Variants in ESRRG observed in about 807,000 individuals in gnomAD.
The protein encoded by ESRRG is estrogen related receptor gamma.
A neutral mutation model predicts 44.0 loss-of-function variants in ESRRG; 13 were observed. The observed-to-expected ratio is 0.30, with a 90% CI of 0.19 to 0.47. The LOEUF (loss-of-function observed/expected upper bound fraction) is 0.47. Ranked by LOEUF, ESRRG falls within the 20% of genes least tolerant of loss-of-function variation. The probability of loss-of-function intolerance (pLI) is 1.00; values close to 1 mark genes in which losing one functional copy is unlikely to be tolerated. For synonymous variants in ESRRG, 215 were observed against 214.6 expected, an observed-to-expected ratio of 1.00 and a Z score of -0.02; for missense variants, 395 against 580.6, an observed-to-expected ratio of 0.68 and a Z score of 3.29.
chr1:216,739,655 G>T (rs1400573490), intron 2 of ESRRG, among the ~76,000 whole-genome samples: 1 of 152,192 alleles, frequency 6.6e-6, no homozygotes, highest in Non-Finnish European at 1.5e-5. Flanking sequence ...TCCTCCAGGT[G>T]ATTCTGATGC....
intron 2 of ESRRG, among the ~76,000 whole-genome samples, chr1:216,860,307 G>A (rs1310075443): frequency 6.6e-6 from 1 of 152,040 alleles, no homozygotes; most frequent in East Asian, 1.9e-4. Context: ...GGAAAAAATA[G>A]CAGACAAAGA....
intron 1 of ESRRG, among the ~76,000 whole-genome samples, chr1:216,939,977 A>G (rs1006616148): frequency 2.6e-5 from 4 of 152,084 alleles, no homozygotes; most frequent in African/African-American, 9.7e-5. Flanking sequence ...TTTATAGCAA[A>G]TGCTCTGGTT....
chr1:216,887,797 T>C lies in ESRRG; in HGVS notation c.-14+51785A>G, dbSNP rs187120664. 5.3e-5 allele frequency among the ~76,000 whole-genome samples: 8 copies of C among 152,274 alleles called. No individual in the cohort carries two copies. In the East Asian group the frequency reaches 9.7e-4, roughly 18 times the overall value. On this transcript the variant is annotated intron_variant, in intron 2 of 7. Transcript: ENST00000359162. ...ACCTAAATGCATTCATATCTCTCCA[T>C]AGAACTTTCATATAAAAAGGATAGA...
chr1:216,585,267 A>C (rs2063552961), intron 3 of ESRRG, among the ~76,000 whole-genome samples: 1 of 152,208 alleles, frequency 6.6e-6, no homozygotes, highest in Admixed American at 6.5e-5. Context: ...AGCTCTATAG[A>C]CTTATATTAA....
chr1:216,811,009 C>T (rs1170895601), intron 2 of ESRRG, among the ~76,000 whole-genome samples: 1 of 151,936 alleles, frequency 6.6e-6, no homozygotes, highest in African/African-American at 2.4e-5. Context: ...CATACCAGAT[C>T]ACTGGGCACT....
intron 2 of ESRRG, among the ~76,000 whole-genome samples, chr1:216,821,836 ACAGTGCTATTT>A (rs1412909195): frequency 1.3e-5 from 2 of 151,960 alleles, no homozygotes; most frequent in Non-Finnish European, 2.9e-5. Flanking sequence ...CTTGTGTCTT[ACAGTGCTATTT>A]TCTGGTGGAT....
chr1:216,716,349 C>T (rs1040650210), intron 1 of ESRRG, among the ~76,000 whole-genome samples: 13 of 151,956 alleles, frequency 8.6e-5, no homozygotes, highest in African/African-American at 3.1e-4. Context: ...GCTGTTTTTT[C>T]ATTACATTTA....
chr1:216,632,503 T>A (rs13374943), intron 3 of ESRRG, among the ~76,000 whole-genome samples: 3,963 of 152,278 alleles, frequency 0.026, 182 homozygotes, highest in African/African-American at 0.091. Context: ...GTATCATAGA[T>A]ACAAAGCTGA....
intron 1 of ESRRG, among the ~76,000 whole-genome samples, chr1:217,070,211 G>A (rs2090379424): frequency 6.6e-6 from 1 of 152,130 alleles, no homozygotes; most frequent in African/African-American, 2.4e-5. Context: ...AAATTAGGAA[G>A]AATGTGGCTT....
At chr1:216,930,633 TC>T (rs1329748602) in intron 2 of ESRRG, among the ~76,000 whole-genome samples, 1 of 152,198 alleles carries the variant, frequency 6.6e-6, no homozygotes, top group Non-Finnish European at 1.5e-5. Context: ...GAAATTTCAA[TC>T]TAGTTAAGAA....
chr1:217,076,897 G>A (rs1422600003), intron 1 of ESRRG: 1 of 152,152 alleles, frequency 6.6e-6, no homozygotes, highest in Non-Finnish European at 1.5e-5. Context: ...AATCACATTG[G>A]CCGCCCTTCT....
At chr1:216,980,772 T>C (rs2073830879) in intron 1 of ESRRG, among the ~76,000 whole-genome samples, 1 of 152,186 alleles carries the variant, frequency 6.6e-6, no homozygotes, top group Non-Finnish European at 1.5e-5. Flanking sequence ...ACAATGTCCA[T>C]TACAACTCTG....
chr1:216,559,313 T>G (rs1019420078), intron 5 of ESRRG, among the ~76,000 whole-genome samples: 17 of 152,194 alleles, frequency 1.1e-4, no homozygotes, highest in Admixed American at 3.3e-4. Context: ...AAAGAAAAGT[T>G]AATCCTGAAA....
intron 6 of ESRRG, among the ~76,000 whole-genome samples, chr1:216,515,691 G>C (rs1419167067): frequency 2.0e-5 from 3 of 152,116 alleles, no homozygotes; most frequent in Non-Finnish European, 4.4e-5. Flanking sequence ...TTCTTGAATG[G>C]ATTGGACTCA....
chr1:216,515,675 T>A (rs2784467), intron 6 of ESRRG, among the ~76,000 whole-genome samples: 74,229 of 151,832 alleles, frequency 0.49, 19,377 homozygotes, highest in Non-Finnish European at 0.61. Context: ...ACTTGAAAAA[T>A]GTTTATTCTT....
At chr1:217,094,725 T>C (rs1428780589) in intron 1 of ESRRG, among the ~76,000 whole-genome samples, 3 of 152,358 alleles carry the variant, frequency 2.0e-5, no homozygotes, top group East Asian at 1.9e-4. Flanking sequence ...TTGCTAGTTA[T>C]AGGATTTCAC....
At chr1:216,833,966 GTCTC>G (rs1373900994) in intron 2 of ESRRG, among the ~76,000 whole-genome samples, 2 of 152,326 alleles carry the variant, frequency 1.3e-5, no homozygotes, top group East Asian at 3.9e-4. Context: ...GAGACCATGA[GTCTC>G]TCTAGTTCTT....
In ESRRG at chr1:216,507,196, G is replaced by T; in HGVS notation, c.1133-13C>A. 6.4e-7 allele frequency: 1 copy of T among 1,562,884 alleles called. No individual in the cohort carries two copies. Among genetic ancestry groups the T allele is most frequent in the Non-Finnish European group, 8.7e-7 (1 of 1,150,574 alleles). On this transcript the variant is annotated splice_polypyrimidine_tract_variant and intron_variant, in intron 6 of 6. Coordinates refer to ENST00000408911, the MANE Select transcript of ESRRG (RefSeq NM_001438.4). Reference sequence around the variant, plus strand: ...ATGTGCATGGAGTCTGTGCAATGAAGCAAAAGATATGAGTAATTATAATAA... The same window carrying T: ...ATGTGCATGGAGTCTGTGCAATGAATCAAAAGATATGAGTAATTATAATAA...
At chr1:216,511,819 C>A (rs2042814241) in intron 6 of ESRRG, among the ~76,000 whole-genome samples, 1 of 151,944 alleles carries the variant, frequency 6.6e-6, no homozygotes, top group African/African-American at 2.4e-5. Context: ...AAGAGGTTCC[C>A]ACTGAAAAAA....
Sources: allele counts gnomAD v4.1 joint callset (sites outside exome capture counted in the v4.1 genomes callset), GRCh38; gene constraint gnomAD v4.1.1; transcripts MANE v1.5; gene names NCBI Gene and HGNC (gene_info 2026-07-23, HGNC 2026-07-21).